Variants in MAP2 observed in about 807,000 individuals in gnomAD.
The protein encoded by MAP2 is microtubule-associated protein 2.
Under a neutral mutation model 137.6 loss-of-function variants are expected in MAP2, and 14 were observed. The observed-to-expected ratio is 0.10, with a 90% CI of 0.07 to 0.16. The LOEUF (loss-of-function observed/expected upper bound fraction) is 0.16, where lower values mean the gene tolerates loss of function less well. Ranked by LOEUF, MAP2 falls within the 10% of genes least tolerant of loss-of-function variation. The pLI is 1.00. For synonymous variants in MAP2, 786 were observed against 782.3 expected, an observed-to-expected ratio of 1.00 and a Z score of -0.08; for missense variants, 2,088 against 2,191.5, an observed-to-expected ratio of 0.95 and a Z score of 0.94.
intron 2 of MAP2, among the ~76,000 whole-genome samples, chr2:209,571,788 G>T (rs985878585): frequency 1.3e-5 from 2 of 151,958 alleles, no homozygotes; most frequent in Non-Finnish European, 2.9e-5. Context: ...AATGTCATAT[G>T]AAATCTAAAT....
intron 2 of MAP2, among the ~76,000 whole-genome samples, chr2:209,517,962 C>A (rs998462834): frequency 1.3e-5 from 2 of 152,050 alleles, no homozygotes; most frequent in Non-Finnish European, 2.9e-5. Context: ...TACATTCTTT[C>A]ATCTCATAGT....
chr2:209,640,782 T>A (rs1300333086), intron 4 of MAP2, among the ~76,000 whole-genome samples: 1 of 152,228 alleles, frequency 6.6e-6, no homozygotes, highest in East Asian at 1.9e-4. Context: ...TTCCTCTGTC[T>A]TAAATAGCCA....
chr2:209,461,471 T>C (rs1702793149), intron 1 of MAP2, among the ~76,000 whole-genome samples: 1 of 151,940 alleles, frequency 6.6e-6, no homozygotes, highest in Non-Finnish European at 1.5e-5. Context: ...TTTTTTTTTT[T>C]CGAGACGGAG....
At chr2:209,613,407 A>T (rs2087747320) in intron 3 of MAP2, among the ~76,000 whole-genome samples, 1 of 152,212 alleles carries the variant, frequency 6.6e-6, no homozygotes, top group Admixed American at 6.5e-5. Flanking sequence ...AGAAAACAAA[A>T]CTCACTAAAC....
chr2:209,700,903 TC>T (rs766764969), intron 11 of MAP2, among the ~76,000 whole-genome samples: 21 of 152,270 alleles, frequency 1.4e-4, no homozygotes, highest in Non-Finnish European at 2.6e-4. Context: ...TAAATGTACT[TC>T]CATGTCGTTG....
chr2:209,685,774 G>A (rs2056793040), intron 7 of MAP2, among the ~76,000 whole-genome samples: 1 of 152,160 alleles, frequency 6.6e-6, no homozygotes, highest in Non-Finnish European at 1.5e-5. Context: ...TCTGAAGCAA[G>A]GCTCTGGACT....
intron 1 of MAP2, among the ~76,000 whole-genome samples, chr2:209,467,124 C>A (rs1485232668): frequency 6.6e-6 from 1 of 152,204 alleles, no homozygotes; most frequent in South Asian, 2.1e-4. Flanking sequence ...CTTTCTCTCA[C>A]CCCCACATTT....
intron 2 of MAP2, among the ~76,000 whole-genome samples, chr2:209,560,856 C>T (rs1559321367): frequency 6.6e-6 from 1 of 152,038 alleles, no homozygotes; most frequent in South Asian, 2.1e-4. Context: ...TGCCGTATCA[C>T]TTTATACTCT....
At chr2:209,484,817 G>C (rs551352403) in intron 1 of MAP2, among the ~76,000 whole-genome samples, 1 of 152,166 alleles carries the variant, frequency 6.6e-6, no homozygotes, top group African/African-American at 2.4e-5. Context: ...TTCTTGATTT[G>C]AGACTGGCTA....
chr2:209,654,892 C>T (rs2095043008), intron 5 of MAP2, among the ~76,000 whole-genome samples: 1 of 152,180 alleles, frequency 6.6e-6, no homozygotes, highest in Admixed American at 6.5e-5. Flanking sequence ...AAGTCCTCTT[C>T]ACATTAATGA....
intron 1 of MAP2, among the ~76,000 whole-genome samples, chr2:209,435,416 T>G (rs1438375452): frequency 1.3e-5 from 2 of 151,626 alleles, no homozygotes; most frequent in East Asian, 1.9e-4. Context: ...AATAGCAATA[T>G]CAAAGGCACT....
At chr2:209,612,754 C>G (rs541149149) in intron 3 of MAP2, among the ~76,000 whole-genome samples, 11 of 152,176 alleles carry the variant, frequency 7.2e-5, no homozygotes, top group Non-Finnish European at 1.0e-4. Flanking sequence ...TGGCAAATGT[C>G]TTTTTTGGTC....
chr2:209,704,635 C>A, intron 11 of MAP2: 2 of 1,566,920 alleles, frequency 1.3e-6, no homozygotes, highest in South Asian at 2.4e-5. Flanking sequence ...GGCGGCAGGT[C>A]AATAAAAGGT....
chr2:209,436,612 G>A (rs1196843467), intron 1 of MAP2, among the ~76,000 whole-genome samples: 1 of 151,736 alleles, frequency 6.6e-6, no homozygotes, highest in Admixed American at 6.6e-5. Context: ...TGAAGACTAT[G>A]TGAAGACAAT....
In MAP2 at chr2:209,731,979, A is replaced by G. The variant is rs555019837; in HGVS notation, c.*1582A>G. ...ACAAATCAATTAGTTCCTCTCACAA[A>G]TCATTCATCTTAGACTTACAAATAA... On this transcript the variant is annotated 3_prime_UTR_variant, in exon 16 of 16. Transcript: ENST00000682079. 2 of 152,302 alleles carry G rather than the reference A, an allele frequency of 1.3e-5. No individual in the cohort carries two copies. Among genetic ancestry groups the G allele is most frequent in the East Asian group, 1.9e-4 (1 of 5,186 alleles). The allele number at this position is 152,302 out of a possible 1,614,324, so 9.4% of individuals were successfully genotyped here.
At chr2:209,565,818 A>C (rs1246760483) in intron 2 of MAP2, among the ~76,000 whole-genome samples, 1 of 152,152 alleles carries the variant, frequency 6.6e-6, no homozygotes, top group African/African-American at 2.4e-5. Flanking sequence ...TCTTAATACA[A>C]AGGTCACAAT....
intron 3 of MAP2, among the ~76,000 whole-genome samples, chr2:209,622,659 A>G (rs1324634760): frequency 6.6e-6 from 1 of 151,552 alleles, no homozygotes; most frequent in Non-Finnish European, 1.5e-5. Flanking sequence ...TTAGTGTTAA[A>G]GTAATTTAAT....
intron 13 of MAP2, among the ~76,000 whole-genome samples, chr2:209,718,920 A>G (rs1490214112): frequency 6.6e-6 from 1 of 152,208 alleles, no homozygotes; most frequent in African/African-American, 2.4e-5. Context: ...AGAACTTTCA[A>G]TCTTCGGGAA....
intron 1 of MAP2, among the ~76,000 whole-genome samples, chr2:209,434,881 TA>T (rs1695415988): frequency 1.8e-5 from 1 of 54,856 alleles, no homozygotes; most frequent in Admixed American, 1.8e-4. Flanking sequence ...ATGTTATATA[TA>T]TGTTATATAT....
Sources: gnomAD v4.1 joint callset for allele counts (sites outside exome capture counted in the v4.1 genomes callset) on GRCh38, gnomAD v4.1.1 for gene constraint, MANE v1.5 for transcripts, NCBI Gene and HGNC (gene_info 2026-07-23, HGNC 2026-07-21) for gene names.